ASH1L: variants seen among roughly 807,000 people sequenced by gnomAD.
The protein encoded by ASH1L is ASH1 like histone lysine methyltransferase, also known as histone-lysine N-methyltransferase ASH1L.
ASH1L carries 23 observed loss-of-function variants against 269.0 expected under a neutral mutation model. That is an observed-to-expected ratio of 0.09 (90% CI 0.06 to 0.12). ASH1L has a LOEUF of 0.12. Among genes scored for constraint, ASH1L ranks in the 10% least tolerant of loss-of-function variants. The pLI is 1.00. For missense variants in ASH1L, 2,912 were observed against 3,567.8 expected (o/e 0.82, Z 4.68); for synonymous variants, 1,187 against 1,253.5 (o/e 0.95, Z 1.12).
At position 155,441,670 on chromosome 1, in the gene ASH1L, G is replaced by C. The variant is rs572852103; in HGVS notation, c.5087-2602C>G. On this transcript the variant is annotated intron_variant, in intron 4 of 27. Transcript: ENST00000392403. Reference sequence around the variant, plus strand: ...TTTAGTAGAGACGGGGTTTCACCATGTTAGCCAGGATGGTCTTGATCTCCT... The same window carrying C: ...TTTAGTAGAGACGGGGTTTCACCATCTTAGCCAGGATGGTCTTGATCTCCT... Among the ~76,000 whole-genome samples the C allele has an allele frequency of 2.7e-5, 4 of 150,608 alleles. No homozygotes were observed. In the South Asian group the frequency reaches 8.4e-4, roughly 32 times the overall value.
intron 1 of ASH1L, among the ~76,000 whole-genome samples, chr1:155,544,798 T>C (rs377048468): frequency 6.6e-6 from 1 of 151,990 alleles, no homozygotes; most frequent in African/African-American, 2.4e-5. Flanking sequence ...AAAATATGCA[T>C]AGGCAATTAC....
intron 5 of ASH1L, among the ~76,000 whole-genome samples, chr1:155,428,271 T>C (rs530392096): frequency 7.0e-4 from 106 of 152,144 alleles, no homozygotes; most frequent in African/African-American, 2.5e-3. Context: ...AAACCCCGTC[T>C]CTACTAAAAG....
At position 155,370,636 on chromosome 1, in the gene ASH1L, T is replaced by C; in HGVS notation, c.6554A>G (p.Glu2185Gly). ...SEQEFRNRMI[E>G]QYHNHSDHYC... Reference sequence around the variant, plus strand: ...GTGGTCACTGTGATTATGATACTGCTCAATCATCCTGTTCCTAAAGAGAAG... The same window carrying C: ...GTGGTCACTGTGATTATGATACTGCCCAATCATCCTGTTCCTAAAGAGAAG... The change falls in exon 12 of 28, where the codon GAG (glutamate) becomes GGG (glycine). Residue 2185 changes from glutamate (E) to glycine (G), a missense_variant. Transcript: ENST00000392403. 1 of 1,614,148 alleles carries C rather than the reference T, an allele frequency of 6.2e-7. No individual in the cohort carries two copies. Among genetic ancestry groups the C allele is most frequent in the Non-Finnish European group, 8.5e-7 (1 of 1,180,028 alleles).
At chr1:155,400,063 A>G (rs1446984027) in intron 6 of ASH1L, among the ~76,000 whole-genome samples, 1 of 152,220 alleles carries the variant, frequency 6.6e-6, no homozygotes, top group Non-Finnish European at 1.5e-5. Flanking sequence ...CAATGAGGAC[A>G]TATGCTGGGC....
At chr1:155,516,807 A>G (rs545692925) in intron 2 of ASH1L, among the ~76,000 whole-genome samples, 40 of 152,114 alleles carry the variant, frequency 2.6e-4, no homozygotes, top group Non-Finnish European at 5.1e-4. Flanking sequence ...GTATTTCTAT[A>G]TATTTACAAT....
rs553091377 is a variant in ASH1L at position 155,358,356 on chromosome 1, T to A, written c.6796-607A>T. ...TATCTCAGAAAGGTGGAGTACAGAG[T>A]AAAAAACTGTCCTCTCCTATATACT... is the stretch of plus-strand genomic sequence containing the variant. On this transcript the variant is annotated intron_variant, in intron 13 of 27. Transcript: ENST00000392403. Among the ~76,000 whole-genome samples, 28 of 151,586 alleles carry A rather than the reference T, an allele frequency of 1.8e-4. 1 individual carries two copies. In the South Asian group the frequency reaches 4.2e-3, roughly 23 times the overall value.
intron 4 of ASH1L, among the ~76,000 whole-genome samples, chr1:155,441,669 T>C (rs955594159): frequency 1.3e-5 from 2 of 151,486 alleles, no homozygotes; most frequent in East Asian, 3.9e-4. Flanking sequence ...GGTTTCACCA[T>C]GTTAGCCAGG....
At chr1:155,502,158 C>T (rs1243644264) in intron 2 of ASH1L, among the ~76,000 whole-genome samples, 2 of 150,672 alleles carry the variant, frequency 1.3e-5, no homozygotes, top group Non-Finnish European at 3.0e-5. Context: ...GCAACCTCCG[C>T]CTCCCGGGTT....
In ASH1L at chr1:155,508,710, T is replaced by C. The variant is rs565951028; in HGVS notation, c.420+12390A>G. Among the ~76,000 whole-genome samples the C allele has an allele frequency of 3.0e-4, 46 of 152,342 alleles. No individual in the cohort carries two copies. The Middle Eastern group carries it at 0.014, about 45-fold the overall frequency. Reference sequence around the variant, plus strand: ...CAGGGGCTTTCTACTTAGAGCAATATGCTACGCTAAATACTGTGAAGAGTC... The same window carrying C: ...CAGGGGCTTTCTACTTAGAGCAATACGCTACGCTAAATACTGTGAAGAGTC... On this transcript the variant is annotated intron_variant, in intron 2 of 27. Coordinates refer to ENST00000392403, the MANE Select transcript of ASH1L (RefSeq NM_018489.3).
At chr1:155,506,980 A>G (rs1667857347) in intron 2 of ASH1L, among the ~76,000 whole-genome samples, 1 of 151,948 alleles carries the variant, frequency 6.6e-6, no homozygotes, top group Non-Finnish European at 1.5e-5. Context: ...AGTAATAATA[A>G]TTCTCCAAAA....
intron 17 of ASH1L, among the ~76,000 whole-genome samples, chr1:155,350,513 T>C (rs532444857): frequency 6.6e-6 from 1 of 152,344 alleles, no homozygotes; most frequent in African/African-American, 2.4e-5. Context: ...GGGAACTTAT[T>C]GAGGGTAATC....
rs546961834 is a variant in ASH1L at position 155,433,166 on chromosome 1, C to T, written c.5828+5161G>A. The T allele has an allele frequency of 8.0e-5, 121 of 1,511,506 alleles. 2 individuals carry two copies. The African/African-American group carries it at 1.2e-3, about 15-fold the overall frequency. The allele number at this position is 1,511,506 out of a possible 1,614,324, so 93.6% of individuals were successfully genotyped here. On this transcript the variant is annotated intron_variant, in intron 5 of 27. Coordinates refer to ENST00000392403, the MANE Select transcript of ASH1L (RefSeq NM_018489.3). ...ATTTCACCAGGCCCCCAGCTTGGGG[C>T]GCCTTCCTTCCCCATGGCGGGACAC...
intron 3 of ASH1L, among the ~76,000 whole-genome samples, chr1:155,467,003 TATTC>T (rs922198690): frequency 6.6e-6 from 1 of 152,138 alleles, no homozygotes. Context: ...GAGGACAAAA[TATTC>T]ATCATCACTG....
In ASH1L at chr1:155,479,197, G is replaced by A; in HGVS notation, c.3673C>T (p.His1225Tyr). 1 of 1,614,100 alleles carries A rather than the reference G, an allele frequency of 6.2e-7. No homozygotes were observed. Among genetic ancestry groups the A allele is most frequent in the Non-Finnish European group, 8.5e-7 (1 of 1,180,006 alleles). The change falls in exon 3 of 28, where the codon CAT becomes TAT. Residue 1225 changes from histidine to tyrosine, a missense_variant. His to Tyr is a moderately conservative substitution (Grantham distance 83). This residue lies in a region of ASH1L where 789 missense variants were observed against 897.6 expected (regional missense o/e 0.88). Transcript: ENST00000392403. ...ATCAGAGAAACATGCTCAAAAGAATGCCTCCTCTTTTTTTGCCCACAAAAT... is the reference window on the plus strand; with the variant it reads ...ATCAGAGAAACATGCTCAAAAGAATACCTCCTCTTTTTTTGCCCACAAAAT... ...EKFCGQKKRR[H>Y]SFEHVSLIPP...
rs772956093 is a variant in ASH1L at position 155,433,814 on chromosome 1, G to A, written c.5828+4513C>T. ...GCTGCAGAAGTGGGTGGAGGAAGCT[G>A]ACAACAATGAAAATCTTCAGGAGAC... On this transcript the variant is annotated intron_variant, in intron 5 of 27. Coordinates refer to ENST00000392403, the MANE Select transcript of ASH1L (RefSeq NM_018489.3). 287 of 1,606,058 alleles carry A rather than the reference G, an allele frequency of 1.8e-4. 1 individual carries two copies. Among genetic ancestry groups the A allele is most frequent in the Admixed American group, 2.9e-4 (17 of 58,528 alleles).
chr1:155,483,238 T>C (rs1666077158), intron 2 of ASH1L, among the ~76,000 whole-genome samples: 2 of 152,282 alleles, frequency 1.3e-5, no homozygotes, highest in South Asian at 4.1e-4. Context: ...TATACTGTGT[T>C]TGTGGATAGG....
intron 6 of ASH1L, among the ~76,000 whole-genome samples, chr1:155,403,625 T>C (rs981763296): frequency 9.2e-5 from 14 of 152,160 alleles, no homozygotes; most frequent in Non-Finnish European, 1.9e-4. Flanking sequence ...GTATTAACTT[T>C]CTTTTTACTT....
At chr1:155,364,908 C>T (rs1353634567) in intron 12 of ASH1L, among the ~76,000 whole-genome samples, 3 of 144,342 alleles carry the variant, frequency 2.1e-5, no homozygotes, top group Admixed American at 1.4e-4. Flanking sequence ...TACCACTGTA[C>T]TCCAGCTCTG....
rs1654833703 is a variant in ASH1L, at chr1:155,360,341, G to C, written c.6755C>G (p.Thr2252Ser). The C allele has an allele frequency of 3.1e-6, 5 of 1,613,514 alleles. No individual in the cohort carries two copies. Among genetic ancestry groups the C allele is most frequent in the Non-Finnish European group, 4.2e-6 (5 of 1,179,440 alleles). Residue 2252 changes from threonine (T) to serine (S), a missense_variant, in exon 13 of 28, where the codon ACT (threonine) becomes AGT (serine). Physicochemically the swap from Thr to Ser is moderately conservative, Grantham distance 58. Coordinates refer to ENST00000392403, the MANE Select transcript of ASH1L (RefSeq NM_018489.3). ...GAAGGAATGAAAGTTATAATCATAAGTGAGTTCAGTCCCAGCTGGCATGTC... is the reference window on the plus strand; with the variant it reads ...GAAGGAATGAAAGTTATAATCATAACTGAGTTCAGTCCCAGCTGGCATGTC... ...LKDMPAGTEL[T>S]YDYNFHSFNV...
Sources: allele counts gnomAD v4.1 joint callset (sites outside exome capture counted in the v4.1 genomes callset), GRCh38; gene constraint gnomAD v4.1.1; regional missense constraint gnomAD v4.1.1; transcripts MANE v1.5; gene names NCBI Gene and HGNC (gene_info 2026-07-23, HGNC 2026-07-21).